LRP1B: variants seen among roughly 807,000 people sequenced by gnomAD.
LRP1B encodes the protein low-density lipoprotein receptor-related protein 1B.
In LRP1B, 217 loss-of-function variants were observed where a neutral mutation model predicts 556.6. The ratio of observed to expected loss-of-function variants is 0.39; its 90% CI spans 0.35 to 0.44. The LOEUF is 0.44. LRP1B is among the 20% of genes least tolerant of loss of function. The pLI is 1.00. For synonymous variants in LRP1B, 2,047 were observed against 1,865.8 expected (o/e 1.10, Z -2.50); for missense variants, 5,053 against 5,620.8 (o/e 0.90, Z 3.23).
rs1034534972 is a variant in LRP1B, at chr2:140,476,206, T to C, written c.9426-869A>G. 1.6e-4 allele frequency among the ~76,000 whole-genome samples: 24 copies of C among 152,068 alleles called. 1 individual carries two copies. Among genetic ancestry groups the C allele is most frequent in the Non-Finnish European group, 4.4e-5 (3 of 67,900 alleles). ...CCTCAAAGTAAGAAAAATTACTTTATGTTTTAGATGTTTCCTTGTCTACAT... is the reference window on the plus strand; with the variant it reads ...CCTCAAAGTAAGAAAAATTACTTTACGTTTTAGATGTTTCCTTGTCTACAT... On this transcript the variant is annotated intron_variant, in intron 59 of 90. Coordinates refer to ENST00000389484, the MANE Select transcript of LRP1B (RefSeq NM_018557.3).
chr2:141,861,462 C>T lies in LRP1B; in HGVS notation c.83-51061G>A, dbSNP rs183306292. Among the ~76,000 whole-genome samples the T allele has an allele frequency of 2.5e-3, 388 of 152,316 alleles. 2 individuals carry two copies. The highest frequency in any genetic ancestry group is 8.6e-3 in the African/African-American group (358 of 41,564). The stretch of plus-strand genomic sequence containing the variant: ...CAGGCCAAGCAACCAAGACTAGTGA[C>T]AATGTCTGCCTAGCTGTCTTTTCCC... On this transcript the variant is annotated intron_variant, in intron 1 of 90. Transcript: ENST00000389484.
At chr2:141,251,099 G>A (rs773317839) in intron 4 of LRP1B, among the ~76,000 whole-genome samples, 1 of 152,084 alleles carries the variant, frequency 6.6e-6, no homozygotes, top group Non-Finnish European at 1.5e-5. Flanking sequence ...TGGGTTGAGG[G>A]GTATGGGGTG....
At chr2:141,423,623 G>C (rs923526442) in intron 3 of LRP1B, among the ~76,000 whole-genome samples, 1 of 151,976 alleles carries the variant, frequency 6.6e-6, no homozygotes, top group Non-Finnish European at 1.5e-5. Flanking sequence ...GGCTTTCATT[G>C]GTAAAGTGGT....
At chr2:140,653,197 T>C (rs896508090) in intron 41 of LRP1B, among the ~76,000 whole-genome samples, 3 of 151,882 alleles carry the variant, frequency 2.0e-5, no homozygotes, top group African/African-American at 4.8e-5. Flanking sequence ...TCAAAATCAA[T>C]AGAATGATGG....
chr2:141,373,452 C>G, intron 3 of LRP1B, among the ~76,000 whole-genome samples: 1 of 152,002 alleles, frequency 6.6e-6, no homozygotes, highest in South Asian at 2.1e-4. Context: ...GGAGTCCCTA[C>G]CTATTATTGT....
chr2:141,601,802 C>T (rs527303059), intron 2 of LRP1B, among the ~76,000 whole-genome samples: 1 of 152,126 alleles, frequency 6.6e-6, no homozygotes, highest in African/African-American at 2.4e-5. Flanking sequence ...AGGGTTTCAC[C>T]ATGTTGGCCA....
At chr2:141,624,015 C>CAA (rs1288395812) in intron 2 of LRP1B, among the ~76,000 whole-genome samples, 6 of 10,772 alleles carry the variant, frequency 5.6e-4, no homozygotes, top group African/African-American at 9.3e-4. Context: ...AACTCCAACT[C>CAA]AAAAAAAAAA....
intron 86 of LRP1B, among the ~76,000 whole-genome samples, chr2:140,252,936 C>T (rs920461017): frequency 1.3e-5 from 2 of 152,018 alleles, no homozygotes; most frequent in African/African-American, 4.8e-5. Flanking sequence ...ACGTCTACAG[C>T]AAGTTACCAT....
At chr2:141,041,849 C>T (rs1698711454) in intron 11 of LRP1B, among the ~76,000 whole-genome samples, 1 of 151,560 alleles carries the variant, frequency 6.6e-6, no homozygotes, top group East Asian at 1.9e-4. Flanking sequence ...GACTTTGTAC[C>T]CTATAAATAT....
intron 86 of LRP1B, among the ~76,000 whole-genome samples, chr2:140,262,560 A>T (rs1292166803): frequency 6.6e-6 from 1 of 152,176 alleles, no homozygotes; most frequent in Non-Finnish European, 1.5e-5. Flanking sequence ...AATCAACAGA[A>T]CTTCTTTACT....
At position 142,042,409 on chromosome 2, in the gene LRP1B, T is replaced by C. The variant is rs576635205; in HGVS notation, c.82+88239A>G. On this transcript the variant is annotated intron_variant, in intron 1 of 90. Coordinates refer to ENST00000389484, the MANE Select transcript of LRP1B (RefSeq NM_018557.3). ...GTTGAAAAACTATTTATTTTCTGAA[T>C]GTTTCAAGCAGAATGACTGGAATAA... Among the ~76,000 whole-genome samples the C allele has an allele frequency of 4.0e-5, 6 of 151,538 alleles. No individual in the cohort carries two copies. In the South Asian group the frequency reaches 1.2e-3, roughly 31 times the overall value.
intron 7 of LRP1B, among the ~76,000 whole-genome samples, chr2:141,176,955 G>A (rs949739638): frequency 2.6e-5 from 4 of 152,032 alleles, no homozygotes; most frequent in African/African-American, 7.2e-5. Context: ...AGAAACTAAT[G>A]TCCTCCTTCT....
chr2:142,013,614 TGAA>T (rs1703024838), intron 1 of LRP1B, among the ~76,000 whole-genome samples: 1 of 151,756 alleles, frequency 6.6e-6, no homozygotes, highest in African/African-American at 2.4e-5. Context: ...AGCTATGAAG[TGAA>T]GAAGATTAAA....
At chr2:140,550,321 G>A (rs978181136) in intron 43 of LRP1B, among the ~76,000 whole-genome samples, 1 of 152,094 alleles carries the variant, frequency 6.6e-6, no homozygotes, top group African/African-American at 2.4e-5. Flanking sequence ...CCTCCTAGGG[G>A]AAAGAGCACA....
chr2:141,208,874 CTCAAAAAAAAAAAAAAAAAAA>C (rs1682408466), intron 6 of LRP1B, among the ~76,000 whole-genome samples: 1 of 43,482 alleles, frequency 2.3e-5, no homozygotes, highest in East Asian at 6.8e-4. Context: ...GAGATTCCGT[CTCAAAAAAAAAAAAAAAAAAA>C]AAAAAAAAAA....
chr2:140,998,233 C>T lies in LRP1B; in HGVS notation c.2504-4098G>A, dbSNP rs949947583. Among the ~76,000 whole-genome samples, 7 of 151,996 alleles carry T rather than the reference C, an allele frequency of 4.6e-5. No individual in the cohort carries two copies. The East Asian group carries it at 1.4e-3, about 29-fold the overall frequency. On this transcript the variant is annotated intron_variant, in intron 15 of 90. Coordinates refer to ENST00000389484, the MANE Select transcript of LRP1B (RefSeq NM_018557.3). ...CAATGTTTTTGCAATGTTCAAGTTG[C>T]TCTCCTGGGAGTAAGGCACATTGAA...
At chr2:140,853,948 T>G (rs753860537) in intron 27 of LRP1B, among the ~76,000 whole-genome samples, 4 of 151,810 alleles carry the variant, frequency 2.6e-5, no homozygotes, top group Non-Finnish European at 4.4e-5. Context: ...AGAAAGGTGT[T>G]GCAGGACAGG....
intron 41 of LRP1B, among the ~76,000 whole-genome samples, chr2:140,668,293 G>A (rs12993417): frequency 0.85 from 113,672 of 133,280 alleles, 48,964 homozygotes; most frequent in Non-Finnish European, 0.93. Context: ...CTGGGTGACA[G>A]AGCGAGACTC....
rs565909088 is a variant in LRP1B, at chr2:141,510,072, C to T, written c.206-29539G>A. Among the ~76,000 whole-genome samples, 15 of 152,042 alleles carry T rather than the reference C, an allele frequency of 9.9e-5. No homozygotes were observed. In the South Asian group the frequency reaches 3.1e-3, roughly 32 times the overall value. On this transcript the variant is annotated intron_variant, in intron 2 of 90. Coordinates refer to ENST00000389484, the MANE Select transcript of LRP1B (RefSeq NM_018557.3). The stretch of plus-strand genomic sequence containing the variant: ...AAATGACAATTCAGAAAAAAAAGTA[C>T]TCTTTCTCATTTCTATTAACTTCTT...
Sources: allele counts gnomAD v4.1 joint callset (sites outside exome capture counted in the v4.1 genomes callset), GRCh38; gene constraint gnomAD v4.1.1; transcripts MANE v1.5; gene names NCBI Gene and HGNC (gene_info 2026-07-23, HGNC 2026-07-21).